Variants in SHC4 observed in about 807,000 individuals in gnomAD.
SHC4 encodes SHC adaptor protein 4.
A neutral mutation model predicts 69.4 loss-of-function variants in SHC4; 41 were observed. The ratio of observed to expected loss-of-function variants is 0.59; its 90% CI spans 0.46 to 0.77. The LOEUF is 0.77. Ranked by LOEUF, SHC4 falls within the 30% of genes least tolerant of loss-of-function variation. The pLI is 0.00. For synonymous variants in SHC4, 318 were observed against 299.3 expected (o/e 1.06, Z -0.64); for missense variants, 777 against 783.8 (o/e 0.99, Z 0.10).
intron 2 of SHC4, among the ~76,000 whole-genome samples, chr15:48,905,356 T>G (rs1237800742): frequency 1.3e-5 from 2 of 152,126 alleles, no homozygotes; most frequent in Non-Finnish European, 2.9e-5. Context: ...AAAAAGACCT[T>G]AGGGAAACCA....
rs185788948 is a variant in SHC4 at position 48,876,127 on chromosome 15, A to T, written c.841-3985T>A. Among the ~76,000 whole-genome samples, 23 of 152,334 alleles carry T rather than the reference A, an allele frequency of 1.5e-4. No individual in the cohort carries two copies. In the East Asian group the frequency reaches 4.0e-3, roughly 27 times the overall value. On this transcript the variant is annotated intron_variant, in intron 4 of 11. Coordinates refer to ENST00000332408, the MANE Select transcript of SHC4 (RefSeq NM_203349.4). ...TTTCAGTGACACAGAATGGGTCACA[A>T]AAAAACTTGCTTACTTGTGTGACAT...
At chr15:48,956,970 C>CTTTTTTTTTTTTTTTTTTT (rs1234585427) in intron 1 of SHC4, among the ~76,000 whole-genome samples, 2 of 70,166 alleles carry the variant, frequency 2.9e-5, no homozygotes, top group African/African-American at 5.3e-5. Context: ...TTCTTTCTTT[C>CTTTTTTTTTTTTTTTTTTT]TTTCTTTTTT....
chr15:48,895,541 T>A (rs1259105492), intron 2 of SHC4, among the ~76,000 whole-genome samples: 1 of 152,110 alleles, frequency 6.6e-6, no homozygotes, highest in African/African-American at 2.4e-5. Context: ...AAAGGCTTAC[T>A]CGGATGCCCC....
chr15:48,829,721 C>T (rs1298542824), intron 11 of SHC4, among the ~76,000 whole-genome samples: 1 of 152,130 alleles, frequency 6.6e-6, no homozygotes, highest in Admixed American at 6.5e-5. Flanking sequence ...GAGTTTGAGA[C>T]CAGACTGGCG....
intron 1 of SHC4, among the ~76,000 whole-genome samples, chr15:48,948,774 T>C (rs984078715): frequency 6.6e-6 from 1 of 152,156 alleles, no homozygotes; most frequent in Non-Finnish European, 1.5e-5. Flanking sequence ...AGCCTGTTGG[T>C]GTTTGCCTGG....
At chr15:48,890,705 A>G in intron 3 of SHC4, 43 bp downstream of exon 3, 2 of 1,608,684 alleles carry the variant, frequency 1.2e-6, no homozygotes, top group East Asian at 2.2e-5. Context: ...TATCTTTGCC[A>G]TAATTAGGGA....
intron 6 of SHC4, among the ~76,000 whole-genome samples, chr15:48,860,591 A>G (rs2140986090): frequency 1.3e-5 from 2 of 152,250 alleles, no homozygotes; most frequent in African/African-American, 4.8e-5. Flanking sequence ...AATTTTTGCA[A>G]TTTTATTTTT....
rs556258650 is a variant in SHC4, at chr15:48,826,685, C to T, written c.1738-559G>A. ...TTATTGTTTGGTATATTCTATGTCA[C>T]TATCTCTATAACTATTTAACTGGTT... On this transcript the variant is annotated intron_variant, in intron 11 of 11. Coordinates refer to ENST00000332408, the MANE Select transcript of SHC4 (RefSeq NM_203349.4). Among the ~76,000 whole-genome samples the T allele has an allele frequency of 5.3e-5, 8 of 152,302 alleles. No individual in the cohort carries two copies. In the East Asian group the frequency reaches 1.4e-3, roughly 26 times the overall value.
chr15:48,922,089 G>T (rs997464309), intron 2 of SHC4, among the ~76,000 whole-genome samples: 1 of 152,018 alleles, frequency 6.6e-6, no homozygotes, highest in Non-Finnish European at 1.5e-5. Flanking sequence ...TTAAAAACCC[G>T]CCACCTAAAT....
At chr15:48,936,631 C>G (rs1901076200) in intron 1 of SHC4, among the ~76,000 whole-genome samples, 1 of 152,208 alleles carries the variant, frequency 6.6e-6, no homozygotes, top group African/African-American at 2.4e-5. Context: ...GGCTCCTGTA[C>G]AGCCTGCAGA....
rs546173733 is a variant in SHC4, at chr15:48,838,743, A to G, written c.1484-3721T>C. 4.6e-5 allele frequency among the ~76,000 whole-genome samples: 7 copies of G among 152,338 alleles called. No individual in the cohort carries two copies. The South Asian group carries it at 1.5e-3, about 32-fold the overall frequency. ...ATAAAGATCCCAGAAACAAATTCAC[A>G]TATATACTAAGAGCTTGATATAATA... On this transcript the variant is annotated intron_variant, in intron 10 of 11. Transcript: ENST00000332408.
At chr15:48,827,912 A>G (rs1184036138) in intron 11 of SHC4, among the ~76,000 whole-genome samples, 1 of 152,016 alleles carries the variant, frequency 6.6e-6, no homozygotes, top group Non-Finnish European at 1.5e-5. Flanking sequence ...CCCCTTACAC[A>G]GGGTATGTGC....
intron 1 of SHC4, among the ~76,000 whole-genome samples, chr15:48,925,744 G>A (rs1361537641): frequency 6.6e-6 from 1 of 152,144 alleles, no homozygotes; most frequent in Non-Finnish European, 1.5e-5. Flanking sequence ...TGTGTTGGAG[G>A]AGGCTTAAGT....
chr15:48,863,276 T>A (rs952182784), intron 6 of SHC4, among the ~76,000 whole-genome samples: 1 of 152,134 alleles, frequency 6.6e-6, no homozygotes, highest in Admixed American at 6.5e-5. Context: ...CATTTTGCCA[T>A]ATGTCTTTCC....
chr15:48,960,710 C>T (rs951985060), intron 1 of SHC4, among the ~76,000 whole-genome samples: 1 of 152,130 alleles, frequency 6.6e-6, no homozygotes, highest in African/African-American at 2.4e-5. Context: ...AGACATCTCG[C>T]CTGAGTGCTA....
intron 1 of SHC4, among the ~76,000 whole-genome samples, chr15:48,942,777 A>T (rs1008657261): frequency 6.6e-6 from 1 of 152,214 alleles, no homozygotes; most frequent in African/African-American, 2.4e-5. Context: ...AGCTAATAAG[A>T]AGTGTAGTTC....
intron 1 of SHC4, among the ~76,000 whole-genome samples, chr15:48,938,529 A>T (rs1901115854): frequency 6.6e-6 from 1 of 152,144 alleles, no homozygotes; most frequent in Admixed American, 6.6e-5. Context: ...TTCCCAGCAC[A>T]CAGCAGCATT....
intron 1 of SHC4, among the ~76,000 whole-genome samples, chr15:48,951,072 C>T (rs1055563932): frequency 1.3e-5 from 2 of 152,036 alleles, no homozygotes; most frequent in South Asian, 2.1e-4. Flanking sequence ...TCCTGCTCTA[C>T]CCTCTCCTTG....
chr15:48,896,815 G>A (rs1900230460), intron 2 of SHC4, among the ~76,000 whole-genome samples: 1 of 152,352 alleles, frequency 6.6e-6, no homozygotes, highest in African/African-American at 2.4e-5. Context: ...CAGGCAGATA[G>A]ATGCCTACAT....
Sources: gnomAD v4.1 joint callset for allele counts (sites outside exome capture counted in the v4.1 genomes callset) on GRCh38, gnomAD v4.1.1 for gene constraint, MANE v1.5 for transcripts, NCBI Gene and HGNC (gene_info 2026-07-23, HGNC 2026-07-21) for gene names.